The following CACNA1B variants were observed in gnomAD, a reference collection of about 807,000 sequenced individuals.
CACNA1B encodes the protein voltage-dependent N-type calcium channel subunit alpha-1B.
A neutral mutation model predicts 247.2 loss-of-function variants in CACNA1B; 70 were observed. That is an observed-to-expected ratio of 0.28 (90% confidence interval 0.23 to 0.35). The LOEUF (loss-of-function observed/expected upper bound fraction) is 0.35. CACNA1B is among the 10% of genes least tolerant of loss of function. CACNA1B has a pLI of 1.00. For missense variants in CACNA1B, 2,367 were observed against 3,197.4 expected (o/e 0.74, Z 6.26); for synonymous variants, 1,231 against 1,294.4 (o/e 0.95, Z 1.05).
chr9:137,925,129 A>G (rs1423786297), intron 6 of CACNA1B, among the ~76,000 whole-genome samples: 1 of 152,222 alleles, frequency 6.6e-6, no homozygotes, highest in East Asian at 1.9e-4. Flanking sequence ...CTTCAGATGG[A>G]AGGCACACAT....
intron 15 of CACNA1B, among the ~76,000 whole-genome samples, chr9:137,998,117 G>A (rs1231853684): frequency 2.0e-5 from 3 of 152,038 alleles, no homozygotes; most frequent in African/African-American, 7.2e-5. Flanking sequence ...TGGGGTGGGG[G>A]TTGCTGGGAG....
Position 138,007,476 on chromosome 9 carries a change from C to T in CACNA1B, c.2092+592C>T, listed in dbSNP as rs1320632646. 6.6e-6 allele frequency among the ~76,000 whole-genome samples: 1 copy of T among 152,136 alleles called. No homozygotes were observed. Among genetic ancestry groups the T allele is most frequent in the African/African-American group, 2.4e-5 (1 of 41,414 alleles). On this transcript the variant is annotated intron_variant, in intron 16 of 46. Coordinates refer to ENST00000371372, the MANE Select transcript of CACNA1B (RefSeq NM_000718.4). The surrounding 1 kb of genome is among the most constrained non-coding windows in gnomAD (Gnocchi z 4.1). The stretch of plus-strand genomic sequence containing the variant: ...GATCTGGAGGGAGAACTACAGCATT[C>T]GTGGTATAGGCAAGGGTGAGGGCTA...
At chr9:137,909,088 T>G (rs1350035092) in intron 3 of CACNA1B, among the ~76,000 whole-genome samples, 1 of 151,716 alleles carries the variant, frequency 6.6e-6, no homozygotes, top group Non-Finnish European at 1.5e-5. Flanking sequence ...CCTCCTGGGT[T>G]CCAGCGATTC....
intron 39 of CACNA1B, among the ~76,000 whole-genome samples, chr9:138,111,808 C>T (rs2131361935): frequency 6.6e-6 from 1 of 152,252 alleles, no homozygotes; most frequent in East Asian, 1.9e-4. Flanking sequence ...CTCGGGGGCT[C>T]CTTTTACCTT....
rs1959410519 is a variant in CACNA1B at position 138,054,251 on chromosome 9, T to C, written c.3968+245T>C. 6.6e-6 allele frequency among the ~76,000 whole-genome samples: 1 copy of C among 151,952 alleles called. No individual in the cohort carries two copies. The highest frequency in any genetic ancestry group is 2.1e-4 in the South Asian group (1 of 4,822). On this transcript the variant is annotated intron_variant, in intron 26 of 46. Transcript: ENST00000371372. The surrounding 1 kb of genome is among the most constrained non-coding windows in gnomAD (Gnocchi z 4.6). ...CCCCAGCACTTCCTCCTCAGCAGAG[T>C]CAGGAACCAGGCATGTTCTGAGGGA...
At chr9:137,893,705 A>G (rs750941095) in intron 3 of CACNA1B, among the ~76,000 whole-genome samples, 1 of 152,132 alleles carries the variant, frequency 6.6e-6, no homozygotes, top group Non-Finnish European at 1.5e-5. Flanking sequence ...TTTTATTTTG[A>G]GCTAATTATA....
intron 11 of CACNA1B, among the ~76,000 whole-genome samples, chr9:137,975,466 C>A (rs1408746259): frequency 6.6e-6 from 1 of 152,140 alleles, no homozygotes; most frequent in African/African-American, 2.4e-5. Context: ...GGTTGAGGGA[C>A]CCCACCTTCG....
rs746838613 is a variant in CACNA1B at position 138,049,329 on chromosome 9, G to A, written c.3710+14G>A. ...GTTTGCTTTCTCGTAAGTAACGTTC[G>A]CTCTGCTCTGGCTAGGGAGAGCCCC... On this transcript the variant is annotated intron_variant, in intron 24 of 46. Coordinates refer to ENST00000371372, the MANE Select transcript of CACNA1B (RefSeq NM_000718.4). The A allele has an allele frequency of 1.0e-5, 15 of 1,494,160 alleles. No individual in the cohort carries two copies. Among genetic ancestry groups the A allele is most frequent in the East Asian group, 2.3e-5 (1 of 44,320 alleles). 92.6% of individuals were successfully genotyped at this position (1,494,160 alleles called of 1,614,324 possible). A position where few individuals can be genotyped will look rare whatever the true frequency, so the allele number is the denominator to read the frequency against.
intron 6 of CACNA1B, among the ~76,000 whole-genome samples, chr9:137,947,462 C>G: frequency 6.6e-6 from 1 of 152,122 alleles, no homozygotes; most frequent in Non-Finnish European, 1.5e-5. Flanking sequence ...ATTTTTGCTT[C>G]ATCTGTCAAA....
At position 137,990,706 on chromosome 9, in the gene CACNA1B, C is replaced by T. The variant is rs968006663; in HGVS notation, c.1974+3852C>T. Among the ~76,000 whole-genome samples the T allele has an allele frequency of 5.9e-5, 9 of 152,126 alleles. No individual in the cohort carries two copies. Among genetic ancestry groups the T allele is most frequent in the Non-Finnish European group, 7.4e-5 (5 of 68,026 alleles). On this transcript the variant is annotated intron_variant, in intron 15 of 46. Coordinates refer to ENST00000371372, the MANE Select transcript of CACNA1B (RefSeq NM_000718.4). This position sits in a 1 kb window ranked among gnomAD's most constrained non-coding sequence, Gnocchi z 4.5. ...GACCCTCACAGAGTCCATTTCACTC[C>T]CCTGCTACCCCCACCAGAGCAGGTG...
rs1302258201 is a variant in CACNA1B, at chr9:138,057,291, G to A, written c.3969-441G>A. On this transcript the variant is annotated intron_variant, in intron 26 of 46. Transcript: ENST00000371372. The surrounding 1 kb of genome is among the most constrained non-coding windows in gnomAD (Gnocchi z 4.0). Reference sequence around the variant, plus strand: ...TATTCTAAATACAACTCCCTTATCAGACAGAGGATTAGGAAATAAGTATTT... The same window carrying A: ...TATTCTAAATACAACTCCCTTATCAAACAGAGGATTAGGAAATAAGTATTT... 1.3e-5 allele frequency among the ~76,000 whole-genome samples: 2 copies of A among 152,128 alleles called. No homozygotes were observed. The highest frequency in any genetic ancestry group is 2.9e-5 in the Non-Finnish European group (2 of 68,038).
chr9:138,093,403 C>CAAAAAAAA (rs58608297), intron 36 of CACNA1B, among the ~76,000 whole-genome samples: 8 of 43,244 alleles, frequency 1.8e-4, no homozygotes, highest in Non-Finnish European at 3.1e-4. Flanking sequence ...GACTCTGTCT[C>CAAAAAAAA]AAAAAAAAAA....
intron 5 of CACNA1B, among the ~76,000 whole-genome samples, chr9:137,916,305 T>C (rs1173640298): frequency 1.3e-5 from 2 of 152,196 alleles, no homozygotes; most frequent in Non-Finnish European, 2.9e-5. Flanking sequence ...AGTGCTAGGA[T>C]TACAGGCGTG....
rs1244808242 is a variant in CACNA1B at position 137,974,316 on chromosome 9, G to A, written c.1544-1591G>A. ...GCTGGGCATCCATGCCTCTCACAGG[G>A]GGCTCTCGGCTTCTCCAGGGACACT... On this transcript the variant is annotated intron_variant, in intron 11 of 46. Coordinates refer to ENST00000371372, the MANE Select transcript of CACNA1B (RefSeq NM_000718.4). This position sits in a 1 kb window ranked among gnomAD's most constrained non-coding sequence, Gnocchi z 4.5. Among the ~76,000 whole-genome samples, 5 of 152,142 alleles carry A rather than the reference G, an allele frequency of 3.3e-5. No homozygotes were observed. The highest frequency in any genetic ancestry group is 3.3e-4 in the Admixed American group (5 of 15,278).
intron 20 of CACNA1B, among the ~76,000 whole-genome samples, chr9:138,037,679 A>G (rs1811585243): frequency 6.6e-6 from 1 of 151,952 alleles, no homozygotes; most frequent in Non-Finnish European, 1.5e-5. Context: ...AACAAAAAAA[A>G]AAAGAGAGAA....
chr9:138,085,116 G>A lies in CACNA1B; in HGVS notation c.5094+6858G>A, dbSNP rs117908192. On this transcript the variant is annotated intron_variant, in intron 36 of 46. Coordinates refer to ENST00000371372, the MANE Select transcript of CACNA1B (RefSeq NM_000718.4). ...ATACAAGAAAATACAGATAGACAAT[G>A]CAATGAAATCAGAAATGCAATTGAC... 1.9e-4 allele frequency among the ~76,000 whole-genome samples: 28 copies of A among 150,818 alleles called. 4 individuals are homozygous for A. The East Asian group carries it at 5.7e-3, about 31-fold the overall frequency.
rs1439181102 is a variant in CACNA1B, at chr9:137,914,902, G to T, written c.775+96G>T. 5.1e-6 allele frequency: 7 copies of T among 1,368,064 alleles called. No individual in the cohort carries two copies. Among genetic ancestry groups the T allele is most frequent in the African/African-American group, 1.4e-5 (1 of 69,256 alleles). The allele number at this position is 1,368,064 out of a possible 1,614,324, so 84.7% of individuals were successfully genotyped here. Reference sequence around the variant, plus strand: ...TCTAGGTGCTAGAGGGGCCTTCTTGGTGCCAGATACATGAGGTGGAGCTGA... The same window carrying T: ...TCTAGGTGCTAGAGGGGCCTTCTTGTTGCCAGATACATGAGGTGGAGCTGA... On this transcript the variant is annotated intron_variant, in intron 5 of 46. Transcript: ENST00000371372. This position sits in a 1 kb window ranked among gnomAD's most constrained non-coding sequence, Gnocchi z 4.3.
rs1255060424 is a variant in CACNA1B, at chr9:137,913,464, C to G, written c.622+193C>G. Among the ~76,000 whole-genome samples, 1 of 152,148 alleles carries G rather than the reference C, an allele frequency of 6.6e-6. No homozygotes were observed. The highest frequency in any genetic ancestry group is 1.5e-5 in the Non-Finnish European group (1 of 68,026). On this transcript the variant is annotated intron_variant, in intron 4 of 46. Coordinates refer to ENST00000371372, the MANE Select transcript of CACNA1B (RefSeq NM_000718.4). This position sits in a 1 kb window ranked among gnomAD's most constrained non-coding sequence, Gnocchi z 5.2. ...CTGTCACACCCTCCATGAAAGCCCA[C>G]AGGGTGATGCTGTTATTTTACCCTG... is the stretch of plus-strand genomic sequence containing the variant.
At chr9:138,048,872 C>T (rs1382348354) in intron 23 of CACNA1B, among the ~76,000 whole-genome samples, 1 of 152,146 alleles carries the variant, frequency 6.6e-6, no homozygotes, top group Non-Finnish European at 1.5e-5. Context: ...TGTGCAACAC[C>T]ACACCCGGCT....
Sources: gnomAD v4.1 joint callset for allele counts (sites outside exome capture counted in the v4.1 genomes callset) on GRCh38, gnomAD v4.1.1 for gene constraint, Gnocchi (gnomAD v3.1) non-coding constraint, MANE v1.5 for transcripts, NCBI Gene and HGNC (gene_info 2026-07-23, HGNC 2026-07-21) for gene names.